Variants in BMP2K observed in about 807,000 individuals in gnomAD.
BMP2K encodes BMP-2-inducible protein kinase.
Under a neutral mutation model 116.0 loss-of-function variants are expected in BMP2K, and 74 were observed. The observed-to-expected ratio is 0.64, with a 90% confidence interval of 0.53 to 0.77. The LOEUF is 0.77. Among genes scored for constraint, BMP2K ranks in the 30% least tolerant of loss-of-function variants. The pLI, the probability that BMP2K is intolerant of heterozygous loss-of-function variation, is 0.00. For synonymous variants in BMP2K, 486 were observed against 502.5 expected (o/e 0.97, Z 0.44); for missense variants, 1,365 against 1,403.6 (o/e 0.97, Z 0.44).
intron 3 of BMP2K, among the ~76,000 whole-genome samples, chr4:78,836,256 A>C (rs1264169929): frequency 6.6e-6 from 1 of 151,978 alleles, no homozygotes; most frequent in Non-Finnish European, 1.5e-5. Context: ...TCTCTACTAA[A>C]AATACAAAAA....
chr4:78,832,942 T>C (rs940553383), intron 2 of BMP2K, among the ~76,000 whole-genome samples: 3 of 152,022 alleles, frequency 2.0e-5, no homozygotes, highest in African/African-American at 7.2e-5. Flanking sequence ...AATAGTTGTT[T>C]TTAAATTTCC....
intron 1 of BMP2K, among the ~76,000 whole-genome samples, chr4:78,809,048 ATTGAAT>A (rs1728956952): frequency 6.6e-6 from 1 of 152,202 alleles, no homozygotes; most frequent in African/African-American, 2.4e-5. Context: ...AAAGAGGAGT[ATTGAAT>A]TCTCCAACTA....
At chr4:78,861,679 C>T (rs554892404) in intron 9 of BMP2K, among the ~76,000 whole-genome samples, 1 of 152,040 alleles carries the variant, frequency 6.6e-6, no homozygotes, top group East Asian at 1.9e-4. Flanking sequence ...TGGAACTGTT[C>T]ACTCTATGAC....
intron 1 of BMP2K, among the ~76,000 whole-genome samples, chr4:78,807,792 G>A (rs1728895041): frequency 6.6e-6 from 1 of 151,014 alleles, no homozygotes; most frequent in African/African-American, 2.4e-5. Flanking sequence ...TAATTTGTTG[G>A]CATAAAATTA....
At chr4:78,849,449 A>G (rs1731151041) in intron 6 of BMP2K, among the ~76,000 whole-genome samples, 1 of 151,640 alleles carries the variant, frequency 6.6e-6, no homozygotes, top group Non-Finnish European at 1.5e-5. Context: ...GTTATCTGGG[A>G]ACCCTACAAC....
chr4:78,802,523 T>C (rs532073119), intron 1 of BMP2K, among the ~76,000 whole-genome samples: 2 of 152,316 alleles, frequency 1.3e-5, no homozygotes, highest in South Asian at 4.1e-4. Flanking sequence ...ATTTTCTACC[T>C]TGAAGTTATA....
intron 1 of BMP2K, among the ~76,000 whole-genome samples, chr4:78,805,754 A>G (rs1432780846): frequency 1.3e-5 from 2 of 151,976 alleles, no homozygotes; most frequent in African/African-American, 4.8e-5. Flanking sequence ...GTGGATCACA[A>G]GGGTCAGGAG....
At chr4:78,847,347 C>T (rs1289618387) in intron 6 of BMP2K, 78 bp downstream of exon 6, 1 of 1,011,944 alleles carries the variant, frequency 9.9e-7, no homozygotes, top group Non-Finnish European at 1.4e-6. Flanking sequence ...TTACTCTGCT[C>T]CCCAAAAGGC....
At chr4:78,784,214 G>A (rs1727634153) in intron 1 of BMP2K, among the ~76,000 whole-genome samples, 1 of 152,080 alleles carries the variant, frequency 6.6e-6, no homozygotes, top group Non-Finnish European at 1.5e-5. Flanking sequence ...ACATCCAATA[G>A]AGCTCATTTG....
chr4:78,814,314 G>T (rs763303459), intron 1 of BMP2K, among the ~76,000 whole-genome samples: 1 of 152,170 alleles, frequency 6.6e-6, no homozygotes, highest in East Asian at 1.9e-4. Flanking sequence ...CATCTTTCAG[G>T]TTCTACCTTC....
chr4:78,795,193 T>C (rs991966650), intron 1 of BMP2K, among the ~76,000 whole-genome samples: 1 of 152,234 alleles, frequency 6.6e-6, no homozygotes, highest in African/African-American at 2.4e-5. Context: ...AACTTTTTTG[T>C]CTTTCTCTCT....
At chr4:78,843,367 A>G (rs1431285233) in intron 4 of BMP2K, among the ~76,000 whole-genome samples, 2 of 151,376 alleles carry the variant, frequency 1.3e-5, no homozygotes, top group South Asian at 2.1e-4. Context: ...TACTATGCCT[A>G]TTATTTATTT....
chr4:78,903,404 ATTC>A (rs950149508), intron 15 of BMP2K, among the ~76,000 whole-genome samples: 5 of 151,884 alleles, frequency 3.3e-5, no homozygotes, highest in Non-Finnish European at 5.9e-5. Flanking sequence ...GTATTGTCTT[ATTC>A]TTCTTTGTAT....
At chr4:78,836,341 G>T (rs1375588183) in intron 3 of BMP2K, among the ~76,000 whole-genome samples, 1 of 151,736 alleles carries the variant, frequency 6.6e-6, no homozygotes, top group Non-Finnish European at 1.5e-5. Flanking sequence ...GGCGTGAACC[G>T]GGGAGGTGGA....
intron 4 of BMP2K, 37 bp downstream of exon 4, chr4:78,842,564 G>A (rs1324162242): frequency 2.0e-6 from 3 of 1,500,630 alleles, no homozygotes; most frequent in Admixed American, 1.9e-5. Context: ...TAAGTAATAA[G>A]TTGGAGTTAA....
chr4:78,814,447 A>G (rs955696756), intron 1 of BMP2K, among the ~76,000 whole-genome samples: 2 of 152,110 alleles, frequency 1.3e-5, no homozygotes, highest in Non-Finnish European at 2.9e-5. Flanking sequence ...TAATCCCCAC[A>G]TGTCATGGGA....
intron 3 of BMP2K, among the ~76,000 whole-genome samples, chr4:78,839,100 C>T (rs1730629611): frequency 6.6e-6 from 1 of 152,112 alleles, no homozygotes; most frequent in African/African-American, 2.4e-5. Context: ...AACTCAATAG[C>T]ATAAAATAAC....
At chr4:78,882,328 T>C (rs965995579) in intron 14 of BMP2K, among the ~76,000 whole-genome samples, 1 of 151,688 alleles carries the variant, frequency 6.6e-6, no homozygotes, top group African/African-American at 2.4e-5. Flanking sequence ...CACCCTTCAC[T>C]ATAAATGAAT....
intron 13 of BMP2K, among the ~76,000 whole-genome samples, chr4:78,877,890 T>C (rs549368329): frequency 1.2e-4 from 18 of 152,294 alleles, no homozygotes; most frequent in African/African-American, 4.3e-4. Flanking sequence ...TTTAATCTTA[T>C]GGAACCACCA....
Sources: gnomAD v4.1 joint callset for allele counts (sites outside exome capture counted in the v4.1 genomes callset) on GRCh38, gnomAD v4.1.1 for gene constraint, MANE v1.5 for transcripts, NCBI Gene and HGNC (gene_info 2026-07-23, HGNC 2026-07-21) for gene names.